CAMK4: variants seen among roughly 807,000 people sequenced by gnomAD.
The protein encoded by CAMK4 is calcium/calmodulin dependent protein kinase IV, also known as calcium/calmodulin-dependent protein kinase type IV.
A neutral mutation model predicts 44.9 loss-of-function variants in CAMK4; 22 were observed. The observed-to-expected ratio is 0.49, with a 90% CI of 0.35 to 0.70. The LOEUF (loss-of-function observed/expected upper bound fraction) is 0.70, where lower values mean the gene tolerates loss of function less well. Among genes scored for constraint, CAMK4 ranks in the 30% least tolerant of loss-of-function variants. CAMK4 has a pLI of 0.01. For missense variants in CAMK4, 498 were observed against 586.8 expected (o/e 0.85, Z 1.56); for synonymous variants, 218 against 215.4 (o/e 1.01, Z -0.11).
intron 7 of CAMK4, among the ~76,000 whole-genome samples, chr5:111,454,020 A>G (rs2112987397): frequency 6.6e-6 from 1 of 151,844 alleles, no homozygotes; most frequent in Non-Finnish European, 1.5e-5. Flanking sequence ...ATCTTTCAGA[A>G]TTAACAAGCC....
At chr5:111,386,715 G>A (rs1048922936) in intron 4 of CAMK4, among the ~76,000 whole-genome samples, 3 of 152,196 alleles carry the variant, frequency 2.0e-5, no homozygotes, top group African/African-American at 7.2e-5. Flanking sequence ...AGAAGAGCAC[G>A]GGCACCAGCA....
chr5:111,446,556 G>A (rs1404539848), intron 5 of CAMK4, 130 bp from the exon 6 acceptor site: 3 of 570,554 alleles, frequency 5.3e-6, no homozygotes, highest in Admixed American at 3.5e-5. Flanking sequence ...TTCCTTTATG[G>A]TACTTATTGT....
chr5:111,446,018 T>C (rs922740204), intron 5 of CAMK4, among the ~76,000 whole-genome samples: 1 of 152,216 alleles, frequency 6.6e-6, no homozygotes, highest in Non-Finnish European at 1.5e-5. Context: ...GCATGTATGC[T>C]TATACGTGAT....
chr5:111,353,567 T>C (rs1750202576), intron 2 of CAMK4, among the ~76,000 whole-genome samples: 1 of 152,140 alleles, frequency 6.6e-6, no homozygotes, highest in Non-Finnish European at 1.5e-5. Flanking sequence ...TAAAATTGTC[T>C]CTGTAGATTA....
chr5:111,414,225 AGAGTATT>A (rs1417918462), intron 5 of CAMK4, among the ~76,000 whole-genome samples: 2 of 152,226 alleles, frequency 1.3e-5, no homozygotes, highest in Non-Finnish European at 1.5e-5. Flanking sequence ...CCCAAAGCAC[AGAGTATT>A]GCCTGATGCT....
chr5:111,415,648 A>G (rs553788713), intron 5 of CAMK4, among the ~76,000 whole-genome samples: 76 of 152,268 alleles, frequency 5.0e-4, no homozygotes, highest in African/African-American at 1.8e-3. Context: ...TGTATTCCCC[A>G]CAGATAAAGG....
At chr5:111,357,168 A>G (rs752781055) in intron 2 of CAMK4, among the ~76,000 whole-genome samples, 1 of 152,152 alleles carries the variant, frequency 6.6e-6, no homozygotes, top group Non-Finnish European at 1.5e-5. Context: ...ATAACCAACT[A>G]AAAACAGAGG....
At chr5:111,474,208 G>T (rs1281777757) in intron 8 of CAMK4, among the ~76,000 whole-genome samples, 1 of 152,228 alleles carries the variant, frequency 6.6e-6, no homozygotes, top group African/African-American at 2.4e-5. Context: ...CCAATTTAGA[G>T]AAATTTTGAA....
intron 7 of CAMK4, among the ~76,000 whole-genome samples, chr5:111,469,603 G>A (rs17458649): frequency 0.077 from 11,788 of 152,220 alleles, 571 homozygotes; most frequent in Non-Finnish European, 0.12. Flanking sequence ...TATTAGCAGT[G>A]CCTAGAGAAA....
chr5:111,281,453 C>T (rs1580525735), intron 1 of CAMK4, among the ~76,000 whole-genome samples: 1 of 152,318 alleles, frequency 6.6e-6, no homozygotes, highest in East Asian at 1.9e-4. Flanking sequence ...CTCCCTTAAT[C>T]TATGGTATAC....
intron 2 of CAMK4, among the ~76,000 whole-genome samples, chr5:111,354,731 A>G (rs1013396678): frequency 1.4e-4 from 22 of 152,204 alleles, no homozygotes; most frequent in African/African-American, 4.8e-4. Context: ...TACAAAATAA[A>G]TAAGACTCCT....
At chr5:111,267,960 A>C (rs1750337461) in intron 1 of CAMK4, among the ~76,000 whole-genome samples, 1 of 152,038 alleles carries the variant, frequency 6.6e-6, no homozygotes, top group Admixed American at 6.6e-5. Flanking sequence ...AGTTGAAGTG[A>C]TTTTTTTCTC....
chr5:111,375,428 A>T (rs1751178219), intron 3 of CAMK4, among the ~76,000 whole-genome samples: 1 of 152,200 alleles, frequency 6.6e-6, no homozygotes, highest in African/African-American at 2.4e-5. Flanking sequence ...TGAGGCAAAG[A>T]TCTAGTAAAA....
intron 5 of CAMK4, among the ~76,000 whole-genome samples, chr5:111,435,625 C>T (rs1369059667): frequency 6.6e-6 from 1 of 152,140 alleles, no homozygotes; most frequent in Non-Finnish European, 1.5e-5. Flanking sequence ...AGGAGCTTCC[C>T]TTTTTACTTT....
chr5:111,353,434 G>A (rs749701637), intron 2 of CAMK4, among the ~76,000 whole-genome samples: 3 of 152,040 alleles, frequency 2.0e-5, no homozygotes, highest in South Asian at 2.1e-4. Flanking sequence ...CTATATGGAT[G>A]TTATTATCAT....
At chr5:111,464,029 C>T (rs1173686514) in intron 7 of CAMK4, among the ~76,000 whole-genome samples, 2 of 151,400 alleles carry the variant, frequency 1.3e-5, no homozygotes, top group Non-Finnish European at 2.9e-5. Flanking sequence ...TTCAGCAGGT[C>T]GGTCATTAAG....
intron 1 of CAMK4, among the ~76,000 whole-genome samples, chr5:111,230,881 G>A (rs896278225): frequency 2.0e-5 from 3 of 151,590 alleles, no homozygotes; most frequent in African/African-American, 7.3e-5. Context: ...CTAATAAACA[G>A]AATATTGATT....
At chr5:111,469,814 T>G (rs1034550000) in intron 7 of CAMK4, among the ~76,000 whole-genome samples, 1 of 152,186 alleles carries the variant, frequency 6.6e-6, no homozygotes, top group Non-Finnish European at 1.5e-5. Context: ...AACACATCCT[T>G]TACTAATAAT....
At chr5:111,332,452 G>A (rs1374490374) in intron 1 of CAMK4, among the ~76,000 whole-genome samples, 1 of 151,200 alleles carries the variant, frequency 6.6e-6, no homozygotes, top group Non-Finnish European at 1.5e-5. Context: ...ATGTATATGT[G>A]CCACATTTTC....
Sources: gnomAD v4.1 joint callset for allele counts (sites outside exome capture counted in the v4.1 genomes callset) on GRCh38, gnomAD v4.1.1 for gene constraint, MANE v1.5 for transcripts, NCBI Gene and HGNC (gene_info 2026-07-23, HGNC 2026-07-21) for gene names.